The following LRP1B variants were observed in gnomAD, a reference collection of about 807,000 sequenced individuals.
LRP1B encodes low-density lipoprotein receptor-related protein 1B.
In LRP1B, 217 loss-of-function variants were observed where a neutral mutation model predicts 556.6. The ratio of observed to expected loss-of-function variants is 0.39; its 90% CI spans 0.35 to 0.44. The LOEUF is 0.44. LRP1B is among the 20% of genes least tolerant of loss of function. LRP1B has a pLI of 1.00. For missense variants in LRP1B, 5,053 were observed against 5,620.8 expected, an observed-to-expected ratio of 0.90 and a Z score of 3.23; for synonymous variants, 2,047 against 1,865.8, an observed-to-expected ratio of 1.10 and a Z score of -2.50.
chr2:140,634,721 CA>C (rs1684011924), intron 41 of LRP1B, among the ~76,000 whole-genome samples: 1 of 151,986 alleles, frequency 6.6e-6, no homozygotes, highest in Admixed American at 6.6e-5. Flanking sequence ...GAAAAAAAGA[CA>C]ATGGACAACC....
At position 141,327,894 on chromosome 2, in the gene LRP1B, G is replaced by C. The variant is rs995835086; in HGVS notation, c.344-73253C>G. On this transcript the variant is annotated intron_variant, in intron 3 of 90. Transcript: ENST00000389484. Reference sequence around the variant, plus strand: ...AAAGAGTGAGAGAGAGAGAGAGAGAGAGAGAGACAGACCGACCGACCTAGT... The same window carrying C: ...AAAGAGTGAGAGAGAGAGAGAGAGACAGAGAGACAGACCGACCGACCTAGT... Among the ~76,000 whole-genome samples the C allele has an allele frequency of 5.0e-3, 733 of 147,792 alleles. 10 individuals carry two copies. The highest frequency in any genetic ancestry group is 0.018 in the African/African-American group (663 of 37,368).
chr2:141,313,706 C>G (rs183072603), intron 3 of LRP1B, among the ~76,000 whole-genome samples: 1 of 152,156 alleles, frequency 6.6e-6, no homozygotes. Context: ...TTAGTGATCA[C>G]TGCAAGTGGG....
Position 141,937,400 on chromosome 2 carries a change from T to C in LRP1B, c.83-126999A>G, listed in dbSNP as rs539011898. Among the ~76,000 whole-genome samples the C allele has an allele frequency of 2.0e-5, 3 of 149,108 alleles. No individual in the cohort carries two copies. In the South Asian group the frequency reaches 6.4e-4, roughly 32 times the overall value. On this transcript the variant is annotated intron_variant, in intron 1 of 90. Transcript: ENST00000389484. Reference sequence around the variant, plus strand: ...ACTCCATCTCAAAAAATAATAATAATAATAAAATAAAAAATAAAAATATAA... The same window carrying C: ...ACTCCATCTCAAAAAATAATAATAACAATAAAATAAAAAATAAAAATATAA...
chr2:141,524,364 C>A (rs2105179632), intron 2 of LRP1B, among the ~76,000 whole-genome samples: 1 of 151,850 alleles, frequency 6.6e-6, no homozygotes, highest in Non-Finnish European at 1.5e-5. Context: ...CCTTCTTCTG[C>A]TGTTGCAATG....
At chr2:141,933,573 C>A (rs544630490) in intron 1 of LRP1B, among the ~76,000 whole-genome samples, 1 of 152,154 alleles carries the variant, frequency 6.6e-6, no homozygotes, top group South Asian at 2.1e-4. Flanking sequence ...AAATAAATCT[C>A]AATTGCAAGG....
intron 2 of LRP1B, among the ~76,000 whole-genome samples, chr2:141,575,045 G>C (rs1166339963): frequency 3.3e-5 from 5 of 151,988 alleles, no homozygotes; most frequent in Non-Finnish European, 7.4e-5. Flanking sequence ...GCAGTTTATA[G>C]ATTCAATGCT....
chr2:140,724,226 T>C (rs932486361), intron 35 of LRP1B, among the ~76,000 whole-genome samples: 2 of 152,200 alleles, frequency 1.3e-5, no homozygotes, highest in African/African-American at 4.8e-5. Flanking sequence ...GGCTCAAGCC[T>C]GCAATCCCAG....
At chr2:141,341,023 T>C (rs943301369) in intron 3 of LRP1B, among the ~76,000 whole-genome samples, 6 of 152,178 alleles carry the variant, frequency 3.9e-5, no homozygotes, top group African/African-American at 1.2e-4. Flanking sequence ...GAAAATGATC[T>C]AGATTTTCAA....
At chr2:141,156,163 C>A (rs921448588) in intron 7 of LRP1B, among the ~76,000 whole-genome samples, 1 of 152,134 alleles carries the variant, frequency 6.6e-6, no homozygotes, top group African/African-American at 2.4e-5. Context: ...AGGGTAAACA[C>A]ATATTCTCTC....
chr2:141,508,864 G>T (rs1385763136), intron 2 of LRP1B, among the ~76,000 whole-genome samples: 1 of 152,034 alleles, frequency 6.6e-6, no homozygotes, highest in South Asian at 2.1e-4. Context: ...CATAGTCAAT[G>T]GAGGTTATGG....
chr2:142,099,148 A>G (rs1706482206), intron 1 of LRP1B, among the ~76,000 whole-genome samples: 1 of 151,900 alleles, frequency 6.6e-6, no homozygotes, highest in African/African-American at 2.4e-5. Flanking sequence ...CTTCTGTCAT[A>G]TTTCACATCT....
chr2:140,705,520 TCAAAAAAAAAAAAAAAAAAAA>T (rs1559066671), intron 37 of LRP1B, among the ~76,000 whole-genome samples: 1 of 23,984 alleles, frequency 4.2e-5, no homozygotes. Flanking sequence ...TGAGACTGTC[TCAAAAAAAAAAAAAAAAAAAA>T]AAAAAAAAAA....
chr2:140,406,972 A>G (rs1294852836), intron 66 of LRP1B, among the ~76,000 whole-genome samples: 4 of 152,164 alleles, frequency 2.6e-5, no homozygotes, highest in Admixed American at 2.0e-4. Flanking sequence ...CCAAAACAGC[A>G]TGGTGCTGGT....
chr2:141,530,596 A>G (rs1684839030), intron 2 of LRP1B, among the ~76,000 whole-genome samples: 1 of 152,116 alleles, frequency 6.6e-6, no homozygotes, highest in Non-Finnish European at 1.5e-5. Context: ...AACAGCCAAT[A>G]AATTCAGATA....
intron 18 of LRP1B, among the ~76,000 whole-genome samples, chr2:140,967,004 T>C (rs559663529): frequency 1.3e-5 from 2 of 152,308 alleles, no homozygotes; most frequent in African/African-American, 2.4e-5. Context: ...TCTTTTGCCT[T>C]AGGATTGTCT....
intron 2 of LRP1B, among the ~76,000 whole-genome samples, chr2:141,506,067 T>G (rs973879877): frequency 1.3e-5 from 2 of 152,012 alleles, no homozygotes; most frequent in African/African-American, 4.8e-5. Context: ...TCATTTGTCA[T>G]TAGACAAACG....
chr2:140,859,676 CT>C (rs1692729019), intron 27 of LRP1B, among the ~76,000 whole-genome samples: 2 of 152,060 alleles, frequency 1.3e-5, no homozygotes, highest in Admixed American at 1.3e-4. Flanking sequence ...ATTTATTCCT[CT>C]TAATGGTAAC....
chr2:142,128,738 T>C (rs1003387228), intron 1 of LRP1B, among the ~76,000 whole-genome samples: 1 of 152,202 alleles, frequency 6.6e-6, no homozygotes, highest in Non-Finnish European at 1.5e-5. Context: ...CACGACACTA[T>C]TTCATTTTTT....
intron 1 of LRP1B, among the ~76,000 whole-genome samples, chr2:142,117,340 G>A (rs1051980292): frequency 6.6e-6 from 1 of 152,118 alleles, no homozygotes; most frequent in Non-Finnish European, 1.5e-5. Flanking sequence ...AGACAGAAAT[G>A]CAGGATTCAT....
Sources: gnomAD v4.1 joint callset for allele counts (sites outside exome capture counted in the v4.1 genomes callset) on GRCh38, gnomAD v4.1.1 for gene constraint, MANE v1.5 for transcripts, NCBI Gene and HGNC (gene_info 2026-07-23, HGNC 2026-07-21) for gene names.